The following VPS13B variants were observed in gnomAD, a reference collection of about 807,000 sequenced individuals.
The protein encoded by VPS13B is vacuolar protein sorting 13 homolog B.
Under a neutral mutation model 426.4 loss-of-function variants are expected in VPS13B, and 285 were observed. That is an observed-to-expected ratio of 0.67 (90% CI 0.61 to 0.74). The LOEUF (loss-of-function observed/expected upper bound fraction) is 0.74, where lower values mean the gene tolerates loss of function less well. Ranked by LOEUF, VPS13B falls within the 30% of genes least tolerant of loss-of-function variation. The pLI is 0.00. For missense variants in VPS13B, 4,537 were observed against 4,782.6 expected (o/e 0.95, Z 1.51); for synonymous variants, 1,676 against 1,676.4 (o/e 1.00, Z 0.01).
chr8:99,285,352 C>T (rs1201997566), intron 19 of VPS13B, among the ~76,000 whole-genome samples: 2 of 152,088 alleles, frequency 1.3e-5, no homozygotes, highest in Non-Finnish European at 2.9e-5. Context: ...ACCAGTTTCC[C>T]TCATTTATAT....
At chr8:99,094,354 A>G (rs1049002660) in intron 3 of VPS13B, among the ~76,000 whole-genome samples, 4 of 152,208 alleles carry the variant, frequency 2.6e-5, no homozygotes, top group African/African-American at 9.6e-5. Flanking sequence ...AGTTGAACTA[A>G]AAGTAATTAC....
chr8:99,814,296 C>T (rs1813894020), intron 44 of VPS13B, among the ~76,000 whole-genome samples: 1 of 152,154 alleles, frequency 6.6e-6, no homozygotes, highest in Non-Finnish European at 1.5e-5. Context: ...ACAAAATATG[C>T]TTGTTAATCT....
intron 17 of VPS13B, chr8:99,233,621 A>G (rs970174682): frequency 4.2e-6 from 5 of 1,182,956 alleles, no homozygotes; most frequent in East Asian, 4.7e-5. Flanking sequence ...CAGCTTCTTC[A>G]TAATCTCCAT....
intron 19 of VPS13B, among the ~76,000 whole-genome samples, chr8:99,292,565 A>G (rs1228629241): frequency 6.6e-6 from 1 of 152,140 alleles, no homozygotes; most frequent in African/African-American, 2.4e-5. Context: ...TGCAGTTTGT[A>G]GCTGAAAAGA....
At chr8:99,532,274 A>C (rs186518219) in intron 30 of VPS13B, among the ~76,000 whole-genome samples, 10 of 152,254 alleles carry the variant, frequency 6.6e-5, no homozygotes, top group African/African-American at 2.2e-4. Context: ...AATCCTTTTT[A>C]GTGCATTCAG....
At chr8:99,629,941 C>T (rs147186705) in intron 33 of VPS13B, among the ~76,000 whole-genome samples, 229 of 152,236 alleles carry the variant, frequency 1.5e-3, no homozygotes, top group Admixed American at 3.2e-3. Context: ...TCTCAAACAT[C>T]CTTTTGTCAC....
intron 2 of VPS13B, among the ~76,000 whole-genome samples, chr8:99,015,978 C>T (rs1841592608): frequency 6.6e-6 from 1 of 152,162 alleles, no homozygotes; most frequent in Non-Finnish European, 1.5e-5. Flanking sequence ...ATAAGTTTTA[C>T]CTGGTTTTGA....
At chr8:99,788,383 TAAA>T (rs5893498) in intron 43 of VPS13B, among the ~76,000 whole-genome samples, 7 of 102,904 alleles carry the variant, frequency 6.8e-5, no homozygotes, top group Middle Eastern at 5.3e-3. Context: ...GACCCCATCT[TAAA>T]AAAAAAAAAA....
intron 16 of VPS13B, among the ~76,000 whole-genome samples, chr8:99,191,376 CTTTTTT>C (rs35215814): frequency 1.7e-4 from 12 of 70,952 alleles, no homozygotes; most frequent in African/African-American, 5.2e-4. Context: ...CTCTCTCTCT[CTTTTTT>C]TTTTTTTTTT....
Position 99,237,026 on chromosome 8 carries a change from T to C in VPS13B, c.2516-37172T>C, listed in dbSNP as rs1284533438. On this transcript the variant is annotated intron_variant, in intron 17 of 61. Transcript: ENST00000357162. Reference sequence around the variant, plus strand: ...GAATAAGTCTTACAAGATCTGATGGTTTTAAAAAGAGATGTTCCCCTTCAC... The same window carrying C: ...GAATAAGTCTTACAAGATCTGATGGCTTTAAAAAGAGATGTTCCCCTTCAC... 2.0e-5 allele frequency among the ~76,000 whole-genome samples: 3 copies of C among 152,136 alleles called. No individual in the cohort carries two copies. In the East Asian group the frequency reaches 5.8e-4, roughly 29 times the overall value.
intron 43 of VPS13B, among the ~76,000 whole-genome samples, chr8:99,786,300 ATTAT>A (rs1169164158): frequency 1.3e-5 from 2 of 152,276 alleles, no homozygotes; most frequent in Admixed American, 6.5e-5. Flanking sequence ...CCTGTGCAGT[ATTAT>A]TTGTTATGCA....
intron 43 of VPS13B, among the ~76,000 whole-genome samples, chr8:99,792,233 A>G (rs1205352518): frequency 6.6e-6 from 1 of 152,144 alleles, no homozygotes; most frequent in Non-Finnish European, 1.5e-5. Context: ...AAACATGTAC[A>G]ATGTCCATAA....
Position 99,308,642 on chromosome 8 carries a change from G to C in VPS13B, c.2824+33388G>C, listed in dbSNP as rs193145405. ...GTGAATAGTGCCGCAATAAACATAC[G>C]TGTGCATGTGTCTTTATAGCAGCAT... On this transcript the variant is annotated intron_variant, in intron 19 of 61. Transcript: ENST00000357162. 5.1e-3 allele frequency among the ~76,000 whole-genome samples: 771 copies of C among 152,168 alleles called. 4 individuals are homozygous for C. Among genetic ancestry groups the C allele is most frequent in the Non-Finnish European group, 6.4e-3 (436 of 67,996 alleles).
At chr8:99,793,281 A>G (rs1267469914) in intron 43 of VPS13B, among the ~76,000 whole-genome samples, 1 of 145,404 alleles carries the variant, frequency 6.9e-6, no homozygotes, top group East Asian at 2.0e-4. Flanking sequence ...ATATATATAT[A>G]TATAAAATAC....
intron 17 of VPS13B, among the ~76,000 whole-genome samples, chr8:99,221,398 T>C (rs1368716387): frequency 6.6e-6 from 1 of 152,150 alleles, no homozygotes; most frequent in Non-Finnish European, 1.5e-5. Flanking sequence ...GCAGTACTGT[T>C]GACATTAGAA....
At chr8:99,546,936 T>C (rs1030748576) in intron 30 of VPS13B, among the ~76,000 whole-genome samples, 4 of 152,004 alleles carry the variant, frequency 2.6e-5, no homozygotes, top group Non-Finnish European at 5.9e-5. Flanking sequence ...TTTTCTATGA[T>C]TTTTTCTTAT....
At chr8:99,244,656 T>C (rs969431520) in intron 17 of VPS13B, among the ~76,000 whole-genome samples, 2 of 152,218 alleles carry the variant, frequency 1.3e-5, no homozygotes. Flanking sequence ...ATCTGTAAAA[T>C]AGTCATATTT....
intron 31 of VPS13B, among the ~76,000 whole-genome samples, chr8:99,561,772 C>A (rs1043193940): frequency 6.6e-6 from 1 of 152,162 alleles, no homozygotes; most frequent in African/African-American, 2.4e-5. Context: ...GGATGGAACC[C>A]CATTATGAGT....
intron 14 of VPS13B, among the ~76,000 whole-genome samples, chr8:99,150,260 C>G (rs763168555): frequency 6.6e-6 from 1 of 152,096 alleles, no homozygotes; most frequent in African/African-American, 2.4e-5. Flanking sequence ...GTTTTAGATT[C>G]ACAAAGCAGA....
Sources: gnomAD v4.1 joint callset for allele counts (sites outside exome capture counted in the v4.1 genomes callset) on GRCh38, gnomAD v4.1.1 for gene constraint, MANE v1.5 for transcripts, NCBI Gene and HGNC (gene_info 2026-07-23, HGNC 2026-07-21) for gene names.